Variants in PRKN observed in about 807,000 individuals in gnomAD.
The protein encoded by PRKN is parkin RBR E3 ubiquitin protein ligase, also known as E3 ubiquitin-protein ligase parkin.
PRKN carries 56 observed loss-of-function variants against 59.5 expected under a neutral mutation model. The ratio of observed to expected loss-of-function variants is 0.94; its 90% CI spans 0.76 to 1.18. The LOEUF (loss-of-function observed/expected upper bound fraction) is 1.18, where lower values mean the gene tolerates loss of function less well. PRKN is among the 50% of genes most tolerant of loss of function. The probability of loss-of-function intolerance (pLI) is 0.00; values close to 1 mark genes in which losing one functional copy is unlikely to be tolerated. For missense variants in PRKN, 657 were observed against 596.4 expected, an observed-to-expected ratio of 1.10 and a Z score of -1.06; for synonymous variants, 250 against 222.1, an observed-to-expected ratio of 1.13 and a Z score of -1.12.
At chr6:161,967,863 C>T (rs939283244) in intron 6 of PRKN, among the ~76,000 whole-genome samples, 7 of 152,088 alleles carry the variant, frequency 4.6e-5, no homozygotes, top group Admixed American at 3.3e-4. Context: ...AGATAGTGCC[C>T]AGTAAACCTA....
At chr6:162,509,355 T>C (rs1793748693) in intron 1 of PRKN, among the ~76,000 whole-genome samples, 1 of 152,170 alleles carries the variant, frequency 6.6e-6, no homozygotes, top group South Asian at 2.1e-4. Flanking sequence ...TATAAGAACA[T>C]TTCTTACAGG....
chr6:162,032,918 C>T (rs1322946538), intron 5 of PRKN, among the ~76,000 whole-genome samples: 28 of 152,168 alleles, frequency 1.8e-4, no homozygotes, highest in Non-Finnish European at 2.9e-5. Flanking sequence ...GTTTGAAGTG[C>T]TTTCCAAGAT....
chr6:161,411,382 G>A (rs935720574), intron 9 of PRKN, among the ~76,000 whole-genome samples: 5 of 152,156 alleles, frequency 3.3e-5, no homozygotes, highest in Admixed American at 2.6e-4. Flanking sequence ...ACATGCCTTT[G>A]CTCCCTCATT....
chr6:162,412,514 T>C (rs988631334), intron 2 of PRKN, among the ~76,000 whole-genome samples: 17 of 152,012 alleles, frequency 1.1e-4, no homozygotes, highest in African/African-American at 4.1e-4. Context: ...GCTACTTAAC[T>C]AACTTATATT....
chr6:161,599,951 G>C (rs1417040196), intron 7 of PRKN, among the ~76,000 whole-genome samples: 5 of 152,164 alleles, frequency 3.3e-5, no homozygotes, highest in Non-Finnish European at 1.5e-5. Context: ...ACAAAGGCGA[G>C]ACCCAATGGT....
chr6:162,253,548 G>T (rs1361429768), intron 3 of PRKN, among the ~76,000 whole-genome samples: 1 of 152,088 alleles, frequency 6.6e-6, no homozygotes, highest in Non-Finnish European at 1.5e-5. Flanking sequence ...AATATGCAAG[G>T]TATACTCATT....
chr6:161,978,325 CA>C (rs1399430942), intron 5 of PRKN, among the ~76,000 whole-genome samples: 31 of 152,320 alleles, frequency 2.0e-4, no homozygotes, highest in Admixed American at 5.9e-4. Flanking sequence ...GCTGGGATTA[CA>C]GGTGTGAGCC....
At chr6:161,991,656 A>G (rs1048796047) in intron 5 of PRKN, among the ~76,000 whole-genome samples, 1 of 152,064 alleles carries the variant, frequency 6.6e-6, no homozygotes, top group Non-Finnish European at 1.5e-5. Context: ...AGCCTGCCCA[A>G]CACAGTGAAA....
At chr6:162,251,390 G>A (rs78525648) in intron 3 of PRKN, among the ~76,000 whole-genome samples, 1 of 152,084 alleles carries the variant, frequency 6.6e-6, no homozygotes, top group Non-Finnish European at 1.5e-5. Context: ...GGAATATGAT[G>A]ATCAAAGGGG....
At chr6:162,662,362 T>C (rs1244482980) in intron 1 of PRKN, among the ~76,000 whole-genome samples, 1 of 152,056 alleles carries the variant, frequency 6.6e-6, no homozygotes. Context: ...TTTTTTCCAT[T>C]CTGTAAGTTG....
At chr6:161,707,285 A>G (rs1042041396) in intron 7 of PRKN, among the ~76,000 whole-genome samples, 3 of 124,538 alleles carry the variant, frequency 2.4e-5, no homozygotes, top group Non-Finnish European at 5.4e-5. Flanking sequence ...TAAGAGAAAG[A>G]CAGAGATTAA....
intron 6 of PRKN, among the ~76,000 whole-genome samples, chr6:161,970,189 A>T (rs1262914252): frequency 1.3e-5 from 2 of 151,514 alleles, no homozygotes; most frequent in Admixed American, 6.6e-5. Context: ...CTACAGGTGC[A>T]TGCCATCATG....
At chr6:161,632,758 CCTT>C (rs1282610513) in intron 7 of PRKN, among the ~76,000 whole-genome samples, 2 of 152,158 alleles carry the variant, frequency 1.3e-5, no homozygotes, top group Non-Finnish European at 2.9e-5. Context: ...GCAAACATGT[CCTT>C]CTTCACACGG....
In PRKN at chr6:161,445,281, A is replaced by G. The variant is rs1789432534; in HGVS notation, c.1084-58404T>C. The stretch of plus-strand genomic sequence containing the variant: ...GACAGGACTGTAAAACATAGACCGC[A>G]TGTGACCTGCTGGTGCTCGGCACTG... On this transcript the variant is annotated intron_variant, in intron 9 of 11. Coordinates refer to ENST00000366898, the MANE Select transcript of PRKN (RefSeq NM_004562.3). The surrounding 1 kb of genome is among the most constrained non-coding windows in gnomAD (Gnocchi z 7.7). Among the ~76,000 whole-genome samples the G allele has an allele frequency of 6.6e-6, 1 of 152,112 alleles. No homozygotes were observed. Among genetic ancestry groups the G allele is most frequent in the Non-Finnish European group, 1.5e-5 (1 of 68,016 alleles).
intron 3 of PRKN, among the ~76,000 whole-genome samples, chr6:162,259,706 G>A (rs147839199): frequency 7.2e-5 from 11 of 152,212 alleles, no homozygotes; most frequent in Middle Eastern, 3.4e-3. Context: ...TAAAGCATTC[G>A]CTCTAAAAGC....
rs1791682927 is a variant in PRKN at position 161,487,039 on chromosome 6, A to AGTT, written c.1083+61812_1083+61814dup. 6.6e-6 allele frequency among the ~76,000 whole-genome samples: 1 copy of AGTT among 152,120 alleles called. No homozygotes were observed. The highest frequency in any genetic ancestry group is 1.5e-5 in the Non-Finnish European group (1 of 68,032). On this transcript the variant is annotated intron_variant, in intron 9 of 11. Coordinates refer to ENST00000366898, the MANE Select transcript of PRKN (RefSeq NM_004562.3). The surrounding 1 kb of genome is among the most constrained non-coding windows in gnomAD (Gnocchi z 5.3). Reference sequence around the variant, plus strand: ...TCTTCATGGAGGTTAGGGGCAAGTGAGTTTAGTGAATAGGTGCCACGGAGT... The same window carrying AGTT: ...TCTTCATGGAGGTTAGGGGCAAGTGAGTTGTTTAGTGAATAGGTGCCACGGAGT...
intron 6 of PRKN, among the ~76,000 whole-genome samples, chr6:161,797,062 G>A (rs1299923693): frequency 6.6e-6 from 1 of 152,166 alleles, no homozygotes; most frequent in Admixed American, 6.5e-5. Flanking sequence ...AATCAGTCCA[G>A]TGGCCATAAA....
At chr6:162,311,989 C>G (rs1175791616) in intron 2 of PRKN, among the ~76,000 whole-genome samples, 7 of 152,016 alleles carry the variant, frequency 4.6e-5, no homozygotes, top group African/African-American at 1.7e-4. Flanking sequence ...CACGTGCATG[C>G]ATACACGTAC....
intron 4 of PRKN, among the ~76,000 whole-genome samples, chr6:162,166,753 C>T (rs1783006080): frequency 1.3e-5 from 2 of 152,112 alleles, no homozygotes; most frequent in African/African-American, 4.8e-5. Flanking sequence ...GCAATCCTTA[C>T]CCAACAGCAT....
Sources: allele counts gnomAD v4.1 joint callset (sites outside exome capture counted in the v4.1 genomes callset), GRCh38; gene constraint gnomAD v4.1.1; non-coding constraint Gnocchi (gnomAD v3.1); transcripts MANE v1.5; gene names NCBI Gene and HGNC (gene_info 2026-07-23, HGNC 2026-07-21).